The following SBF2 variants were observed in gnomAD, a reference collection of about 807,000 sequenced individuals.
SBF2 encodes the protein SET binding factor 2, also known as myotubularin-related protein 13.
In SBF2, 112 loss-of-function variants were observed where a neutral mutation model predicts 225.2. The ratio of observed to expected loss-of-function variants is 0.50; its 90% CI spans 0.43 to 0.58. The LOEUF is 0.58. Among genes scored for constraint, SBF2 ranks in the 20% least tolerant of loss-of-function variants. SBF2 has a pLI of 0.00. For synonymous variants in SBF2, 763 were observed against 773.3 expected (o/e 0.99, Z 0.22); for missense variants, 1,996 against 2,206.2 (o/e 0.90, Z 1.91).
At chr11:10,207,750 A>T (rs1957795361) in intron 1 of SBF2, among the ~76,000 whole-genome samples, 1 of 152,130 alleles carries the variant, frequency 6.6e-6, no homozygotes, top group East Asian at 1.9e-4. Context: ...AAACTAGATC[A>T]TACAAGGGCA....
chr11:9,812,751 A>G (rs780391917), intron 29 of SBF2, 43 bp from the exon 30 acceptor site: 2 of 1,597,756 alleles, frequency 1.3e-6, no homozygotes, highest in Non-Finnish European at 1.7e-6. Flanking sequence ...GAAGTGCTAT[A>G]GGTAAAAGAG....
intron 33 of SBF2, among the ~76,000 whole-genome samples, chr11:9,794,256 A>C (rs529690274): frequency 1.3e-5 from 2 of 152,084 alleles, no homozygotes; most frequent in South Asian, 2.1e-4. Flanking sequence ...AAAAAACCCC[A>C]AAAAACACAA....
chr11:10,028,501 A>G lies in SBF2; in HGVS notation c.570T>C (p.Asp190=), dbSNP rs1272749451. ...DRQLIQTPLH[D]SLPITGTSVA... ...CACTAGTGCCCGTGATAGGAAGACT[A>G]TCATGTAAAGGAGTCTGGATCAACT... The change falls in exon 6 of 40, where the codon GAT becomes GAC. Residue 190 remains aspartate (D), a synonymous_variant. Transcript: ENST00000256190. The G allele has an allele frequency of 6.2e-7, 1 of 1,613,798 alleles. No homozygotes were observed.
chr11:9,826,069 G>C (rs1440565568), intron 28 of SBF2, among the ~76,000 whole-genome samples: 3 of 152,210 alleles, frequency 2.0e-5, no homozygotes, highest in Admixed American at 2.0e-4. Context: ...CTGGTAGACA[G>C]AATCAGGGTC....
chr11:9,899,063 A>C (rs1018455743), intron 16 of SBF2, among the ~76,000 whole-genome samples: 20 of 151,912 alleles, frequency 1.3e-4, no homozygotes, highest in South Asian at 2.1e-4. Flanking sequence ...ATTAAAAAAA[A>C]AACAACAACA....
chr11:10,096,854 A>G (rs995848646), intron 2 of SBF2, among the ~76,000 whole-genome samples: 2 of 152,156 alleles, frequency 1.3e-5, no homozygotes, highest in South Asian at 2.1e-4. Context: ...AGTGCTAATC[A>G]TTCATTTTTT....
At position 10,291,657 on chromosome 11, in the gene SBF2, AACACACACACACACACACAC is replaced by A. The variant is rs10580039; in HGVS notation, c.55+2338_55+2357del. ...AATAGTAACAGAATATAATCCACTAAACACACACACACACACACACACACACACACACACACACACAGACT... is the reference window on the plus strand; with the variant it reads ...AATAGTAACAGAATATAATCCACTAAACACACACACACACACACACAGACT... On this transcript the variant is annotated intron_variant, in intron 1 of 39. Coordinates refer to ENST00000256190, the MANE Select transcript of SBF2 (RefSeq NM_030962.4). Among the ~76,000 whole-genome samples the A allele has an allele frequency of 2.4e-3, 353 of 146,052 alleles. 1 individual carries two copies. Among genetic ancestry groups the A allele is most frequent in the African/African-American group, 3.6e-3 (140 of 38,926 alleles).
At chr11:10,069,149 T>A (rs1950750974) in intron 2 of SBF2, among the ~76,000 whole-genome samples, 2 of 152,194 alleles carry the variant, frequency 1.3e-5, no homozygotes. Flanking sequence ...ATTCACCACA[T>A]AAAAATAACT....
chr11:10,250,109 T>C (rs551445486), intron 1 of SBF2, among the ~76,000 whole-genome samples: 2 of 152,190 alleles, frequency 1.3e-5, no homozygotes, highest in African/African-American at 4.8e-5. Flanking sequence ...TTATACACCA[T>C]AGAAACAACC....
intron 25 of SBF2, among the ~76,000 whole-genome samples, chr11:9,842,057 A>T (rs888277982): frequency 1.3e-5 from 2 of 152,190 alleles, no homozygotes; most frequent in Non-Finnish European, 2.9e-5. Context: ...CATATTTGAT[A>T]CTGGGTTAAG....
intron 1 of SBF2, among the ~76,000 whole-genome samples, chr11:10,196,866 A>ATATATATTTTTTTT: frequency 2.9e-4 from 29 of 99,304 alleles, no homozygotes; most frequent in South Asian, 2.1e-3. Context: ...ATATATATAT[A>ATATATATTTTTTTT]TTTTTTTTTT....
At chr11:10,068,776 C>G (rs1590881080) in intron 2 of SBF2, among the ~76,000 whole-genome samples, 1 of 152,208 alleles carries the variant, frequency 6.6e-6, no homozygotes, top group East Asian at 1.9e-4. Context: ...TTCTCTACCT[C>G]AAAACTTGAA....
chr11:10,301,661 A>G (rs372577515), intron 1 of SBF2, among the ~76,000 whole-genome samples: 13 of 152,320 alleles, frequency 8.5e-5, no homozygotes, highest in African/African-American at 3.1e-4. Context: ...TTATTTTTCA[A>G]TGCTTCTCTG....
In SBF2 at chr11:9,946,461, T is replaced by G. The variant is rs1195983976; in HGVS notation, c.1860+15496A>C. 3.3e-5 allele frequency among the ~76,000 whole-genome samples: 5 copies of G among 151,910 alleles called. No individual in the cohort carries two copies. In the East Asian group the frequency reaches 7.7e-4, roughly 23 times the overall value. On this transcript the variant is annotated intron_variant, in intron 16 of 39. Coordinates refer to ENST00000256190, the MANE Select transcript of SBF2 (RefSeq NM_030962.4). ...TTTTTCTTTCTTTCTTTCTTTTTTT[T>G]TTTTTTGAGATGGAGTTTCACTTTT...
chr11:9,967,750 T>C (rs968994782), intron 14 of SBF2, among the ~76,000 whole-genome samples: 1 of 152,090 alleles, frequency 6.6e-6, no homozygotes, highest in African/African-American at 2.4e-5. Context: ...ACTCTGTCTC[T>C]ACTAAAAATA....
chr11:10,127,021 CA>C (rs1953788265), intron 2 of SBF2, among the ~76,000 whole-genome samples: 1 of 151,782 alleles, frequency 6.6e-6, no homozygotes, highest in South Asian at 2.1e-4. Context: ...CAGAGATTAC[CA>C]GGAGGTAGGG....
chr11:9,918,903 T>G (rs1046430932), intron 16 of SBF2, among the ~76,000 whole-genome samples: 11 of 152,050 alleles, frequency 7.2e-5, no homozygotes, highest in African/African-American at 2.7e-4. Flanking sequence ...CACGCCCGGC[T>G]AATTTTTTCT....
intron 1 of SBF2, among the ~76,000 whole-genome samples, chr11:10,206,717 T>C (rs1957763230): frequency 6.6e-6 from 1 of 151,814 alleles, no homozygotes; most frequent in Admixed American, 6.6e-5. Context: ...CACTGGATGG[T>C]TTCAATAGTA....
chr11:10,231,986 C>G (rs1433499236), intron 1 of SBF2, among the ~76,000 whole-genome samples: 1 of 152,194 alleles, frequency 6.6e-6, no homozygotes, highest in African/African-American at 2.4e-5. Context: ...GCTTTGTTTA[C>G]CTACTCAAGC....
Sources: allele counts gnomAD v4.1 joint callset (sites outside exome capture counted in the v4.1 genomes callset), GRCh38; gene constraint gnomAD v4.1.1; transcripts MANE v1.5; gene names NCBI Gene and HGNC (gene_info 2026-07-23, HGNC 2026-07-21).